The following SELENBP1 variants were observed in gnomAD, a reference collection of about 807,000 sequenced individuals.
The protein encoded by SELENBP1 is selenium binding protein 1, also known as methanethiol oxidase.
A neutral mutation model predicts 61.0 loss-of-function variants in SELENBP1; 71 were observed. The ratio of observed to expected loss-of-function variants is 1.16; its 90% CI spans 0.96 to 1.42. SELENBP1 has a LOEUF of 1.42. SELENBP1 is among the 40% of genes most tolerant of loss of function. SELENBP1 has a pLI of 0.00. For synonymous variants in SELENBP1, 270 were observed against 238.9 expected (o/e 1.13, Z -1.20); for missense variants, 561 against 605.0 (o/e 0.93, Z 0.76).
chr1:151,370,994 C>A lies in SELENBP1; in HGVS notation c.5-1225G>T, dbSNP rs1291357354. On this transcript the variant is annotated intron_variant, in intron 1 of 11. Coordinates refer to ENST00000368868, the MANE Select transcript of SELENBP1 (RefSeq NM_003944.4). ...ACGCCCCGTTTCTCCATTTTCTCCT[C>A]TTCATTTACGAAAAGTGGGCAATAA... 3.3e-5 allele frequency among the ~76,000 whole-genome samples: 5 copies of A among 152,202 alleles called. No homozygotes were observed. The East Asian group carries it at 9.6e-4, about 29-fold the overall frequency.
chr1:151,365,579 G>C lies in SELENBP1; in HGVS notation c.1028C>G (p.Pro343Arg). 1 of 1,614,104 alleles carries C rather than the reference G, an allele frequency of 6.2e-7. No individual in the cohort carries two copies. Among genetic ancestry groups the C allele is most frequent in the Middle Eastern group, 1.6e-4 (1 of 6,062 alleles). The change falls in exon 9 of 12, where the codon CCC becomes CGC. Residue 343 changes from proline (P) to arginine (R), a missense_variant. Transcript: ENST00000368868. ...GGTCTCCACCTGTCCTGTGAGGCGGGGTCTCTGTGGGTCAGAGATGTCATA... is the reference window on the plus strand; with the variant it reads ...GGTCTCCACCTGTCCTGTGAGGCGGCGTCTCTGTGGGTCAGAGATGTCATA... ...RQYDISDPQRPRLTGQLFLGG... is the reference protein window; with the variant it reads ...RQYDISDPQRRRLTGQLFLGG...
intron 4 of SELENBP1, 45 bp downstream of exon 4, chr1:151,368,959 C>A (rs1460122932): frequency 2.6e-6 from 4 of 1,559,226 alleles, no homozygotes; most frequent in Non-Finnish European, 3.5e-6. Flanking sequence ...CCTGGGGTGG[C>A]AGGTGTCTTA....
chr1:151,365,240 T>C lies in SELENBP1; in HGVS notation c.1086A>G (p.Gln362=). The C allele has an allele frequency of 6.2e-7, 1 of 1,613,590 alleles. No individual in the cohort carries two copies. The highest frequency in any genetic ancestry group is 8.5e-7 in the Non-Finnish European group (1 of 1,179,782). The change falls in exon 10 of 12, where the codon CAA becomes CAG. Residue 362 remains glutamine, a synonymous_variant. Coordinates refer to ENST00000368868, the MANE Select transcript of SELENBP1 (RefSeq NM_003944.4). ...ACTTTAGTTCCTCGTCCTCCAGCAC[T>C]TGCACAGGGCCTCCCTTAACAATGC... The part of the protein sequence containing the change: ...GGSIVKGGPV[Q]VLEDEELKSQ...
At position 151,368,186 on chromosome 1, in the gene SELENBP1, T is replaced by C. The variant is rs1159566223; in HGVS notation, c.481+13A>G. 2 of 1,613,504 alleles carry C rather than the reference T, an allele frequency of 1.2e-6. No homozygotes were observed. Among genetic ancestry groups the C allele is most frequent in the East Asian group, 2.2e-5 (1 of 44,874 alleles). On this transcript the variant is annotated intron_variant, in intron 5 of 11. Coordinates refer to ENST00000368868, the MANE Select transcript of SELENBP1 (RefSeq NM_003944.4). ...TGTGGAAGTTTTCATGAGCACACAGTGCTGGCAGGTACCTTTGCCATTGCC... is the reference window on the plus strand; with the variant it reads ...TGTGGAAGTTTTCATGAGCACACAGCGCTGGCAGGTACCTTTGCCATTGCC...
intron 6 of SELENBP1, 87 bp downstream of exon 6, chr1:151,366,635 G>T: frequency 1.3e-6 from 2 of 1,510,814 alleles, no homozygotes; most frequent in South Asian, 2.4e-5. Flanking sequence ...GGGGCCACAG[G>T]AGGGAAGTGT....
intron 9 of SELENBP1, 134 bp from the exon 10 acceptor site, chr1:151,365,415 T>C: frequency 6.8e-7 from 1 of 1,471,438 alleles, no homozygotes; most frequent in Non-Finnish European, 9.3e-7. Flanking sequence ...GCCTGGACAG[T>C]CCTGGGCCTG....
At chr1:151,368,687 T>G (rs146019800) in intron 4 of SELENBP1, among the ~76,000 whole-genome samples, 3 of 152,218 alleles carry the variant, frequency 2.0e-5, no homozygotes, top group Non-Finnish European at 2.9e-5. Context: ...CTAAACAAAG[T>G]GTTGGGAGAG....
chr1:151,369,662 C>G, intron 2 of SELENBP1, 51 bp downstream of exon 2: 1 of 1,545,528 alleles, frequency 6.5e-7, no homozygotes, highest in Non-Finnish European at 8.8e-7. Flanking sequence ...CCTCCACCCC[C>G]AGCTGTGGAA....
intron 1 of SELENBP1, 155 bp from the exon 2 acceptor site, chr1:151,369,924 C>A: frequency 3.3e-6 from 5 of 1,526,468 alleles, no homozygotes; most frequent in Non-Finnish European, 4.4e-6. Flanking sequence ...CTCTCCGCCC[C>A]CTCAGAGCCC....
Position 151,367,615 on chromosome 1 carries a change from C to T in SELENBP1, c.481+584G>A, listed in dbSNP as rs1324050515. Reference sequence around the variant, plus strand: ...AGTGGGATTCCTCCCAGAGTCTAAGCTCCATTCTGCTCACTACATTTTTTT... The same window carrying T: ...AGTGGGATTCCTCCCAGAGTCTAAGTTCCATTCTGCTCACTACATTTTTTT... On this transcript the variant is annotated intron_variant, in intron 5 of 11. Coordinates refer to ENST00000368868, the MANE Select transcript of SELENBP1 (RefSeq NM_003944.4). Among the ~76,000 whole-genome samples the T allele has an allele frequency of 9.9e-5, 15 of 152,264 alleles. No individual in the cohort carries two copies. The South Asian group carries it at 1.7e-3, about 17-fold the overall frequency.
At chr1:151,366,177 C>T (rs1456201199) in intron 7 of SELENBP1, 98 bp downstream of exon 7, 14 of 1,422,814 alleles carry the variant, frequency 9.8e-6, no homozygotes, top group Admixed American at 4.4e-5. Flanking sequence ...TCATTTTTTT[C>T]GTTCCTGGAG....
chr1:151,367,661 C>T (rs543328531), intron 5 of SELENBP1, among the ~76,000 whole-genome samples: 15 of 152,294 alleles, frequency 9.8e-5, no homozygotes, highest in East Asian at 7.7e-4. Flanking sequence ...CTCACTCTGA[C>T]GCCCAAGCTG....
Position 151,369,433 on chromosome 1 carries a change from C to T in SELENBP1, c.174+9G>A. On this transcript the variant is annotated intron_variant, in intron 3 of 11. Coordinates refer to ENST00000368868, the MANE Select transcript of SELENBP1 (RefSeq NM_003944.4). The stretch of plus-strand genomic sequence containing the variant: ...TCTCAAAGTAGCTGGCGCCCAAGCC[C>T]CGCCTAACCTGGCAATACTGGGGAG... 1.2e-6 allele frequency: 2 copies of T among 1,606,458 alleles called. No homozygotes were observed. The highest frequency in any genetic ancestry group is 1.1e-5 in the South Asian group (1 of 89,732).
At position 151,364,723 on chromosome 1, in the gene SELENBP1, G is replaced by T; in HGVS notation, c.1257-18C>A. ...AGCCTTCCCTGGTGGAAAAGGGAATGGGGTAAGGGAGAGGTCAGAGGTGGC... is the reference window on the plus strand; with the variant it reads ...AGCCTTCCCTGGTGGAAAAGGGAATTGGGTAAGGGAGAGGTCAGAGGTGGC... On this transcript the variant is annotated intron_variant, in intron 11 of 11. Transcript: ENST00000368868. 1 of 1,561,586 alleles carries T rather than the reference G, an allele frequency of 6.4e-7. No homozygotes were observed. The highest frequency in any genetic ancestry group is 8.7e-7 in the Non-Finnish European group (1 of 1,153,498).
At position 151,369,753 on chromosome 1, in the gene SELENBP1, A is replaced by G. The variant is rs1417618305; in HGVS notation, c.21T>C (p.Asn7=). The G allele has an allele frequency of 1.3e-6, 2 of 1,552,570 alleles. No homozygotes were observed. The highest frequency in any genetic ancestry group is 2.0e-5 in the Admixed American group (1 of 51,082). Residue 7 remains asparagine, a synonymous_variant, in exon 2 of 12, where the codon AAT becomes AAC. Transcript: ENST00000368868. MATKCG[N]CGPGYSTPLE... The stretch of plus-strand genomic sequence containing the variant: ...GAGGGGTGGAGTAGCCGGGTCCACA[A>G]TTCCCACATTTCGTAGCTGTGGAAG...
chr1:151,364,867 C>T (rs1185673686), intron 11 of SELENBP1, 59 bp downstream of exon 11: 5 of 1,576,614 alleles, frequency 3.2e-6, no homozygotes, highest in Non-Finnish European at 4.4e-6. Context: ...TTCAGAAAGC[C>T]AAATGACCCC....
intron 5 of SELENBP1, among the ~76,000 whole-genome samples, chr1:151,367,919 G>C (rs538875180): frequency 6.6e-6 from 1 of 152,154 alleles, no homozygotes; most frequent in African/African-American, 2.4e-5. Flanking sequence ...CGCTGGCCTC[G>C]GCCTCTTGAA....
rs759176394 is a variant in SELENBP1 at position 151,369,189 on chromosome 1, C to T, written c.175G>A (p.Val59Ile). 3.7e-6 allele frequency: 6 copies of T among 1,607,186 alleles called. No homozygotes were observed. The highest frequency in any genetic ancestry group is 3.4e-6 in the Non-Finnish European group (4 of 1,174,764). The change falls in exon 4 of 12, where the codon GTC (valine) becomes ATC (isoleucine). Residue 59 changes from valine to isoleucine, a missense_variant and splice_region_variant. Coordinates refer to ENST00000368868, the MANE Select transcript of SELENBP1 (RefSeq NM_003944.4). Reference protein sequence around the residue: ...VDPKSPQYCQVIHRLPMPNLK... With the variant: ...VDPKSPQYCQIIHRLPMPNLK... ...TTGGGCATGGGCAGCCGGTGGATGA[C>T]CTAGGATGCGGGGAGAGGTGGTGCT...
At chr1:151,369,820 G>T (rs559115558) in intron 1 of SELENBP1, 51 bp from the exon 2 acceptor site, 20 of 1,551,554 alleles carry the variant, frequency 1.3e-5, no homozygotes, top group Non-Finnish European at 1.7e-5. Flanking sequence ...GAGGGTGAAG[G>T]CTCCCTCCGC....
Sources: gnomAD v4.1 joint callset for allele counts (sites outside exome capture counted in the v4.1 genomes callset) on GRCh38, gnomAD v4.1.1 for gene constraint, MANE v1.5 for transcripts, NCBI Gene and HGNC (gene_info 2026-07-23, HGNC 2026-07-21) for gene names.